Variants in PHACTR2 observed in about 807,000 individuals in gnomAD.
PHACTR2 encodes phosphatase and actin regulator 2.
In PHACTR2, 30 loss-of-function variants were observed where a neutral mutation model predicts 76.0. The observed-to-expected ratio is 0.39, with a 90% CI of 0.30 to 0.54. PHACTR2 has a LOEUF of 0.54. Among genes scored for constraint, PHACTR2 ranks in the 20% least tolerant of loss-of-function variants. PHACTR2 has a pLI of 0.61. For missense variants in PHACTR2, 696 were observed against 781.1 expected, an observed-to-expected ratio of 0.89 and a Z score of 1.30; for synonymous variants, 292 against 292.5, an observed-to-expected ratio of 1.00 and a Z score of 0.02.
rs947878306 is a variant in PHACTR2, at chr6:143,760,882, A to G, written c.694+242A>G. Among the ~76,000 whole-genome samples the G allele has an allele frequency of 3.3e-5, 5 of 152,218 alleles. No homozygotes were observed. The highest frequency in any genetic ancestry group is 6.5e-5 in the Admixed American group (1 of 15,276). ...TGAATATACTGGTTTCATCTTGAGT[A>G]TCCACTATCAGCACCAGTTGAAGGA... On this transcript the variant is annotated intron_variant, in intron 5 of 12. Transcript: ENST00000440869. This position sits in a 1 kb window ranked among gnomAD's most constrained non-coding sequence, Gnocchi z 6.4.
At chr6:143,694,808 T>C (rs531013382) in intron 1 of PHACTR2, among the ~76,000 whole-genome samples, 10 of 152,362 alleles carry the variant, frequency 6.6e-5, no homozygotes, top group African/African-American at 2.4e-4. Flanking sequence ...ATTTGTATTC[T>C]AGCCCATATG....
chr6:143,686,450 G>A (rs1376253340), intron 1 of PHACTR2, among the ~76,000 whole-genome samples: 1 of 139,460 alleles, frequency 7.2e-6, no homozygotes, highest in Non-Finnish European at 1.6e-5. Context: ...AAATTTATAT[G>A]TACACACACA....
intron 9 of PHACTR2, among the ~76,000 whole-genome samples, chr6:143,779,012 C>T (rs373786397): frequency 2.0e-4 from 30 of 152,076 alleles, no homozygotes; most frequent in African/African-American, 7.2e-4. Context: ...TTTTTTCCTT[C>T]CTTCTAAGTT....
rs1363628638 is a variant in PHACTR2 at position 143,765,551 on chromosome 6, G to A, written c.985G>A (p.Gly329Ser). ...TVPGAEEQNT[G>S]KFKSMVPPPP... ...CCCTGGAGCTGAGGAGCAGAACACA[G>A]GCAAATTCAAGTCCATGGTCCCTCC... Residue 329 changes from glycine (G) to serine (S), a missense_variant, in exon 6 of 13, where the codon GGC (glycine) becomes AGC (serine). Physicochemically the swap from Gly to Ser is moderately conservative, Grantham distance 56. Around this residue, in one of 2 missense-constraint regions of PHACTR2, gnomAD observed 460 missense variants for 450.9 expected, o/e 1.02. Transcript: ENST00000440869. The surrounding 1 kb of genome is among the most constrained non-coding windows in gnomAD (Gnocchi z 4.1). The A allele has an allele frequency of 1.9e-6, 3 of 1,614,098 alleles. No individual in the cohort carries two copies. In the African/African-American group the frequency reaches 4.0e-5, roughly 22 times the overall value.
chr6:143,740,454 C>T (rs972581276), intron 2 of PHACTR2, among the ~76,000 whole-genome samples: 7 of 145,884 alleles, frequency 4.8e-5, no homozygotes, highest in East Asian at 2.0e-4. Context: ...CTGGCTCACA[C>T]GCCTCTGACA....
intron 1 of PHACTR2, among the ~76,000 whole-genome samples, chr6:143,669,778 C>T (rs112725334): frequency 0.038 from 5,739 of 151,672 alleles, 113 homozygotes; most frequent in South Asian, 0.062. Context: ...TATCTTTGCA[C>T]ACTGATAAGT....
rs1317318793 is a variant in PHACTR2, at chr6:143,825,168, A to G, written c.*1479A>G. On this transcript the variant is annotated 3_prime_UTR_variant, in exon 13 of 13. Transcript: ENST00000440869. The surrounding 1 kb of genome is among the most constrained non-coding windows in gnomAD (Gnocchi z 4.1). ...AAAAACACATGAAATGAATAACAAAACAAGACCCAAATAGAGTTTATTTTA... is the reference window on the plus strand; with the variant it reads ...AAAAACACATGAAATGAATAACAAAGCAAGACCCAAATAGAGTTTATTTTA... The G allele has an allele frequency of 1.3e-5, 2 of 152,558 alleles. No individual in the cohort carries two copies. Among genetic ancestry groups the G allele is most frequent in the East Asian group, 1.9e-4 (1 of 5,196 alleles). The allele number at this position is 152,558 out of a possible 1,614,324, so 9.5% of individuals were successfully genotyped here.
In PHACTR2 at chr6:143,751,966, A is replaced by G. The variant is rs1779192139; in HGVS notation, c.296-1788A>G. 6.6e-6 allele frequency among the ~76,000 whole-genome samples: 1 copy of G among 152,076 alleles called. No individual in the cohort carries two copies. On this transcript the variant is annotated intron_variant, in intron 3 of 12. Transcript: ENST00000440869. The surrounding 1 kb of genome is among the most constrained non-coding windows in gnomAD (Gnocchi z 5.7). ...GTTCTTGAATTCCATATTTATCACAAATGTGTCTCTTTTTTCTACAATTAT... is the reference window on the plus strand; with the variant it reads ...GTTCTTGAATTCCATATTTATCACAGATGTGTCTCTTTTTTCTACAATTAT...
intron 1 of PHACTR2, among the ~76,000 whole-genome samples, chr6:143,632,703 G>A (rs1197788593): frequency 6.6e-6 from 1 of 152,148 alleles, no homozygotes; most frequent in Non-Finnish European, 1.5e-5. Context: ...GTTATATACA[G>A]CAGTAGTTAT....
intron 2 of PHACTR2, among the ~76,000 whole-genome samples, chr6:143,728,328 C>G (rs866432292): frequency 2.0e-5 from 3 of 149,906 alleles, no homozygotes; most frequent in African/African-American, 4.9e-5. Flanking sequence ...CCTCCCACCT[C>G]AGCCTCCCGA....
At position 143,557,632 on chromosome 6, in the gene PHACTR2, C is replaced by T. The variant is rs763294134; in HGVS notation, c.217+20425C>T. The T allele has an allele frequency of 1.3e-5, 2 of 152,320 alleles. No homozygotes were observed. Among genetic ancestry groups the T allele is most frequent in the Non-Finnish European group, 2.9e-5 (2 of 68,126 alleles). The allele number at this position is 152,320 out of a possible 1,614,324, so 9.4% of individuals were successfully genotyped here. A position where few individuals can be genotyped will look rare whatever the true frequency, so the allele number is the denominator to read the frequency against. The stretch of plus-strand genomic sequence containing the variant: ...TCCAGCTCTTCCAGACTCTTCCACA[C>T]TCCAGTCGTTTTTCCTTGGCTGACT... On this transcript the variant is annotated intron_variant, in intron 1 of 11. Coordinates refer to the PHACTR2 transcript ENST00000367584. This position sits in a 1 kb window ranked among gnomAD's most constrained non-coding sequence, Gnocchi z 5.5.
rs1447468436 is a variant in PHACTR2, at chr6:143,698,684, C to T, written c.47-13332C>T. The stretch of plus-strand genomic sequence containing the variant: ...CTACTCACTACACACTGCAGGTCTA[C>T]GTTTGGGTGGATGGTTGTTTGACTA... On this transcript the variant is annotated intron_variant, in intron 1 of 12. Transcript: ENST00000440869. The surrounding 1 kb of genome is among the most constrained non-coding windows in gnomAD (Gnocchi z 4.3). Among the ~76,000 whole-genome samples, 2 of 152,202 alleles carry T rather than the reference C, an allele frequency of 1.3e-5. No individual in the cohort carries two copies. The highest frequency in any genetic ancestry group is 1.5e-5 in the Non-Finnish European group (1 of 68,034).
intron 1 of PHACTR2, among the ~76,000 whole-genome samples, chr6:143,582,357 A>G (rs1003039726): frequency 5.3e-5 from 8 of 152,134 alleles, no homozygotes; most frequent in African/African-American, 1.7e-4. Flanking sequence ...ATAGTAGAAA[A>G]ATTAGATTCT....
rs1014430903 is a variant in PHACTR2 at position 143,548,954 on chromosome 6, G to A, written c.217+11747G>A. 2.6e-5 allele frequency among the ~76,000 whole-genome samples: 4 copies of A among 151,954 alleles called. No homozygotes were observed. The highest frequency in any genetic ancestry group is 5.9e-5 in the Non-Finnish European group (4 of 67,960). On this transcript the variant is annotated intron_variant, in intron 1 of 11. Coordinates refer to the PHACTR2 transcript ENST00000367584. This position sits in a 1 kb window ranked among gnomAD's most constrained non-coding sequence, Gnocchi z 4.5. The stretch of plus-strand genomic sequence containing the variant: ...ACAACAAGATAAGAATAGGAAGGAT[G>A]ATGGAAATCATTGGCTGGGGTGAGG...
At position 143,537,889 on chromosome 6, in the gene PHACTR2, T is replaced by G. The variant is rs2128425988; in HGVS notation, c.217+682T>G. Among the ~76,000 whole-genome samples the G allele has an allele frequency of 6.6e-6, 1 of 152,308 alleles. No individual in the cohort carries two copies. Among genetic ancestry groups the G allele is most frequent in the East Asian group, 1.9e-4 (1 of 5,170 alleles). On this transcript the variant is annotated intron_variant, in intron 1 of 11. Transcript: ENST00000367584. This position sits in a 1 kb window ranked among gnomAD's most constrained non-coding sequence, Gnocchi z 4.4. ...GGGAGGCCCAAGGCCGGCCGATCAC[T>G]TGAGGTCAAAAGTTCGAGACCGGCC...
In PHACTR2 at chr6:143,696,823, T is replaced by A. The variant is rs1324909350; in HGVS notation, c.47-15193T>A. On this transcript the variant is annotated intron_variant, in intron 1 of 12. Transcript: ENST00000440869. The surrounding 1 kb of genome is among the most constrained non-coding windows in gnomAD (Gnocchi z 4.1). ...ACCTAAGTGTCAGCCCTCTCTCCAC[T>A]TGTGTTTGCTCCCCTTAGGGTACTG... 6.6e-6 allele frequency among the ~76,000 whole-genome samples: 1 copy of A among 152,214 alleles called. No individual in the cohort carries two copies. Among genetic ancestry groups the A allele is most frequent in the Non-Finnish European group, 1.5e-5 (1 of 68,044 alleles).
At chr6:143,682,929 C>T (rs1288282572) in intron 1 of PHACTR2, among the ~76,000 whole-genome samples, 2 of 152,054 alleles carry the variant, frequency 1.3e-5, no homozygotes, top group African/African-American at 4.8e-5. Flanking sequence ...TTTTTCCTGC[C>T]TCTATTGAGG....
intron 2 of PHACTR2, among the ~76,000 whole-genome samples, chr6:143,715,957 G>A (rs752599478): frequency 5.9e-5 from 9 of 152,130 alleles, no homozygotes; most frequent in Non-Finnish European, 1.3e-4. Context: ...TTAGTGCAAC[G>A]TAGCTTTTTT....
chr6:143,696,615 A>G lies in PHACTR2; in HGVS notation c.47-15401A>G, dbSNP rs1777775768. Among the ~76,000 whole-genome samples the G allele has an allele frequency of 6.6e-6, 1 of 152,182 alleles. No individual in the cohort carries two copies. The highest frequency in any genetic ancestry group is 1.5e-5 in the Non-Finnish European group (1 of 68,022). ...AGGATGGGGAGGAACAGATTATTACATTCAGATCTTTCTGGCACTGGAAGC... is the reference window on the plus strand; with the variant it reads ...AGGATGGGGAGGAACAGATTATTACGTTCAGATCTTTCTGGCACTGGAAGC... On this transcript the variant is annotated intron_variant, in intron 1 of 12. Coordinates refer to ENST00000440869, the MANE Select transcript of PHACTR2 (RefSeq NM_001100164.2). The surrounding 1 kb of genome is among the most constrained non-coding windows in gnomAD (Gnocchi z 4.1).
Sources: allele counts gnomAD v4.1 joint callset (sites outside exome capture counted in the v4.1 genomes callset), GRCh38; gene constraint gnomAD v4.1.1; regional missense constraint gnomAD v4.1.1; non-coding constraint Gnocchi (gnomAD v3.1); transcripts MANE v1.5; gene names NCBI Gene and HGNC (gene_info 2026-07-23, HGNC 2026-07-21).